Variants in ST8SIA1 observed in about 807,000 individuals in gnomAD.
ST8SIA1 encodes ST8 alpha-N-acetyl-neuraminide alpha-2,8-sialyltransferase 1, also known as alpha-N-acetylneuraminide alpha-2,8-sialyltransferase.
ST8SIA1 carries 16 observed loss-of-function variants against 35.9 expected under a neutral mutation model. That is an observed-to-expected ratio of 0.45 (90% CI 0.30 to 0.68). ST8SIA1 has a LOEUF of 0.68. ST8SIA1 is among the 30% of genes least tolerant of loss of function. ST8SIA1 has a pLI of 0.09. For synonymous variants in ST8SIA1, 170 were observed against 169.6 expected (o/e 1.00, Z -0.02); for missense variants, 383 against 453.6 (o/e 0.84, Z 1.41).
intron 4 of ST8SIA1, among the ~76,000 whole-genome samples, chr12:22,240,236 T>C (rs563572614): frequency 6.6e-6 from 1 of 152,252 alleles, no homozygotes; most frequent in South Asian, 2.1e-4. Context: ...TAACTAAGGT[T>C]ACATAGCTAG....
At chr12:22,330,215 G>A (rs780616981) in intron 1 of ST8SIA1, among the ~76,000 whole-genome samples, 2 of 152,034 alleles carry the variant, frequency 1.3e-5, no homozygotes, top group South Asian at 2.1e-4. Context: ...TCTGAAACCC[G>A]ATTTCCCTCC....
intron 3 of ST8SIA1, among the ~76,000 whole-genome samples, chr12:22,255,067 G>A (rs1030652307): frequency 6.6e-6 from 1 of 152,100 alleles, no homozygotes; most frequent in African/African-American, 2.4e-5. Flanking sequence ...TGTTCCGCCT[G>A]AGCCTTCTTG....
chr12:22,249,213 G>GTTTTTTTTTTTTTTTTTTTTT (rs771983175), intron 3 of ST8SIA1, 115 bp from the exon 4 acceptor site: 2 of 455,278 alleles, frequency 4.4e-6, no homozygotes. Context: ...TAACTGTTTT[G>GTTTTTTTTTTTTTTTTTTTTT]TTTTTTGTTT....
intron 1 of ST8SIA1, among the ~76,000 whole-genome samples, chr12:22,320,642 C>T (rs1866575196): frequency 1.3e-5 from 2 of 151,984 alleles, no homozygotes; most frequent in African/African-American, 2.4e-5. Context: ...CCCAGGAGTT[C>T]GAGACCAGCC....
At chr12:22,296,585 C>A (rs1469963593) in intron 1 of ST8SIA1, among the ~76,000 whole-genome samples, 1 of 152,126 alleles carries the variant, frequency 6.6e-6, no homozygotes, top group Non-Finnish European at 1.5e-5. Flanking sequence ...AAAACCCACC[C>A]AAGAAAATAT....
chr12:22,281,341 C>T (rs921027434), intron 2 of ST8SIA1, among the ~76,000 whole-genome samples: 2 of 152,118 alleles, frequency 1.3e-5, no homozygotes, highest in Admixed American at 6.6e-5. Context: ...TGTCTGGGAT[C>T]ATAAGCGTCA....
chr12:22,222,149 T>A (rs1290250043), intron 4 of ST8SIA1, among the ~76,000 whole-genome samples: 1 of 152,236 alleles, frequency 6.6e-6, no homozygotes, highest in African/African-American at 2.4e-5. Context: ...TTAACTTATT[T>A]AACTTGTTTT....
chr12:22,325,135 T>C (rs972845426), intron 1 of ST8SIA1: 6 of 296,220 alleles, frequency 2.0e-5, no homozygotes, highest in South Asian at 1.2e-4. Flanking sequence ...ATAGTAAATA[T>C]GTATTCTTTC....
chr12:22,262,673 T>C (rs1408502097), intron 2 of ST8SIA1, among the ~76,000 whole-genome samples: 1 of 152,160 alleles, frequency 6.6e-6, no homozygotes, highest in East Asian at 1.9e-4. Flanking sequence ...GTAAACCACT[T>C]AGTGGATAGA....
intron 4 of ST8SIA1, among the ~76,000 whole-genome samples, chr12:22,210,460 C>T (rs1350779599): frequency 1.3e-5 from 2 of 151,168 alleles, no homozygotes; most frequent in Admixed American, 6.6e-5. Context: ...GGGTTTTTTC[C>T]CCCACACATC....
intron 4 of ST8SIA1, among the ~76,000 whole-genome samples, chr12:22,212,770 C>G (rs1349330788): frequency 6.6e-6 from 1 of 152,156 alleles, no homozygotes; most frequent in African/African-American, 2.4e-5. Flanking sequence ...AAACTGATCC[C>G]TGGGGACTGA....
chr12:22,253,408 T>C (rs1865695449), intron 3 of ST8SIA1, among the ~76,000 whole-genome samples: 1 of 152,166 alleles, frequency 6.6e-6, no homozygotes, highest in African/African-American at 2.4e-5. Context: ...CAAGCCATTT[T>C]CCCCACTGTT....
intron 4 of ST8SIA1, among the ~76,000 whole-genome samples, chr12:22,206,406 TG>T (rs1043637864): frequency 1.3e-5 from 2 of 152,194 alleles, no homozygotes; most frequent in African/African-American, 4.8e-5. Flanking sequence ...GTTCAGATTA[TG>T]GGGTAGCAGA....
At chr12:22,226,318 G>A (rs1012731028) in intron 4 of ST8SIA1, among the ~76,000 whole-genome samples, 3 of 152,170 alleles carry the variant, frequency 2.0e-5, no homozygotes, top group Non-Finnish European at 4.4e-5. Context: ...TCCATTGTAG[G>A]TAAATCACAT....
At chr12:22,266,666 A>G (rs922636167) in intron 2 of ST8SIA1, among the ~76,000 whole-genome samples, 5 of 151,962 alleles carry the variant, frequency 3.3e-5, no homozygotes, top group Non-Finnish European at 5.9e-5. Flanking sequence ...GCATCATGGC[A>G]TGGACGTGTA....
intron 1 of ST8SIA1, among the ~76,000 whole-genome samples, chr12:22,315,040 C>T (rs907334315): frequency 6.6e-6 from 1 of 152,074 alleles, no homozygotes; most frequent in African/African-American, 2.4e-5. Flanking sequence ...TCCCACTCAC[C>T]CTCAAGATTA....
At position 22,197,155 on chromosome 12, in the gene ST8SIA1, C is replaced by T. The variant is rs1235966585; in HGVS notation, c.*4397G>A. 6.6e-6 allele frequency: 1 copy of T among 152,180 alleles called. No individual in the cohort carries two copies. The highest frequency in any genetic ancestry group is 1.5e-5 in the Non-Finnish European group (1 of 68,044). The allele number at this position is 152,180 out of a possible 1,614,324, so 9.4% of individuals were successfully genotyped here. A position where few individuals can be genotyped will look rare whatever the true frequency, so the allele number is the denominator to read the frequency against. ...CCACTTCTACCACTTCCACCCCTGA[C>T]GTGTGCCCAATAAAAGTCATATAAC... On this transcript the variant is annotated 3_prime_UTR_variant, in exon 5 of 5. Coordinates refer to ENST00000396037, the MANE Select transcript of ST8SIA1 (RefSeq NM_003034.4).
chr12:22,324,748 C>T (rs1000040919), intron 1 of ST8SIA1: 1 of 151,830 alleles, frequency 6.6e-6, no homozygotes, highest in Non-Finnish European at 1.5e-5. Flanking sequence ...TTCCTATGCT[C>T]AGCTATACAA....
chr12:22,318,153 AATT>A (rs1866542690), intron 1 of ST8SIA1, among the ~76,000 whole-genome samples: 1 of 152,158 alleles, frequency 6.6e-6, no homozygotes, highest in Non-Finnish European at 1.5e-5. Flanking sequence ...GCAACAAGTG[AATT>A]ATTTTAATAA....
Sources: gnomAD v4.1 joint callset for allele counts (sites outside exome capture counted in the v4.1 genomes callset) on GRCh38, gnomAD v4.1.1 for gene constraint, MANE v1.5 for transcripts, NCBI Gene and HGNC (gene_info 2026-07-23, HGNC 2026-07-21) for gene names.